The following TYR variants were observed in gnomAD, a reference collection of about 807,000 sequenced individuals.
TYR encodes the protein LB24-AB.
TYR carries 58 observed loss-of-function variants against 51.5 expected under a neutral mutation model. That is an observed-to-expected ratio of 1.13 (90% CI 0.91 to 1.40). The LOEUF is 1.40. Ranked by LOEUF, TYR falls within the 40% of genes most tolerant of loss-of-function variation. The pLI, the probability that TYR is intolerant of heterozygous loss-of-function variation, is 0.00. For missense variants in TYR, 732 were observed against 647.4 expected, an observed-to-expected ratio of 1.13 and a Z score of -1.42; for synonymous variants, 263 against 235.2, an observed-to-expected ratio of 1.12 and a Z score of -1.08.
At chr11:89,269,719 T>C (rs1944567833) in intron 3 of TYR, among the ~76,000 whole-genome samples, 2 of 151,976 alleles carry the variant, frequency 1.3e-5, no homozygotes, top group African/African-American at 4.8e-5. Context: ...TTCTTAGCTA[T>C]GTAACAGGAT....
intron 3 of TYR, among the ~76,000 whole-genome samples, chr11:89,272,877 C>T (rs1467978753): frequency 6.6e-6 from 1 of 151,902 alleles, no homozygotes; most frequent in East Asian, 1.9e-4. Flanking sequence ...CTGCCAGATT[C>T]AAACTTTCCT....
intron 3 of TYR, among the ~76,000 whole-genome samples, chr11:89,279,028 A>C (rs2135320184): frequency 6.6e-6 from 1 of 151,772 alleles, no homozygotes; most frequent in African/African-American, 2.4e-5. Context: ...CCCTAGAGGT[A>C]AAGCACCATT....
intron 1 of TYR, among the ~76,000 whole-genome samples, chr11:89,181,623 T>C (rs1377840698): frequency 6.6e-6 from 1 of 152,204 alleles, no homozygotes; most frequent in African/African-American, 2.4e-5. Flanking sequence ...AGATATCATT[T>C]TACTTGACCC....
chr11:89,208,917 T>G (rs2135267611), intron 2 of TYR, among the ~76,000 whole-genome samples: 1 of 152,352 alleles, frequency 6.6e-6, no homozygotes, highest in Admixed American at 6.5e-5. Context: ...AGAACAAAGG[T>G]AAGACCTTTT....
intron 1 of TYR, among the ~76,000 whole-genome samples, chr11:89,184,165 C>G (rs931086292): frequency 4.6e-5 from 7 of 151,612 alleles, no homozygotes; most frequent in African/African-American, 1.7e-4. Context: ...TTTCTGGAAC[C>G]AGGGTAGATT....
chr11:89,204,477 T>C (rs1565396738), intron 2 of TYR, among the ~76,000 whole-genome samples: 8 of 151,748 alleles, frequency 5.3e-5, no homozygotes, highest in Non-Finnish European at 4.4e-5. Context: ...CACTGCAACC[T>C]CCACCTCCCA....
chr11:89,205,958 CA>C (rs1173870204), intron 2 of TYR, among the ~76,000 whole-genome samples: 3 of 151,876 alleles, frequency 2.0e-5, no homozygotes, highest in Non-Finnish European at 4.4e-5. Context: ...ATGATGCCAG[CA>C]GAGATAAATT....
In TYR at chr11:89,284,866, G is replaced by T. The variant is rs574995971; in HGVS notation, c.1278G>T (p.Met426Ile). ...TTGGACATAACCGGGAATCCTACAT[G>T]GTTCCTTTTATACCACTGTACAGAA... ...APIGHNRESYMVPFIPLYRNG... is the reference protein window; with the variant it reads ...APIGHNRESYIVPFIPLYRNG... The change falls in exon 4 of 5, where the codon ATG becomes ATT. Residue 426 changes from methionine (M) to isoleucine (I), a missense_variant. Physicochemically the swap from Met to Ile is conservative, Grantham distance 10 (BLOSUM62 1). Coordinates refer to ENST00000263321, the MANE Select transcript of TYR (RefSeq NM_000372.5). 1 of 1,611,834 alleles carries T rather than the reference G, an allele frequency of 6.2e-7. No homozygotes were observed. The highest frequency in any genetic ancestry group is 1.3e-5 in the African/African-American group (1 of 74,842).
intron 2 of TYR, among the ~76,000 whole-genome samples, chr11:89,227,392 C>G (rs937527372): frequency 6.6e-6 from 1 of 152,050 alleles, no homozygotes. Context: ...GAACCAGAAA[C>G]CAAACTTAAA....
intron 1 of TYR, among the ~76,000 whole-genome samples, chr11:89,189,616 A>G (rs559978729): frequency 2.0e-5 from 3 of 152,272 alleles, no homozygotes; most frequent in Non-Finnish European, 4.4e-5. Context: ...TATATACAGT[A>G]AGATGCCTAT....
chr11:89,178,644 T>G lies in TYR; in HGVS notation c.691T>G (p.Phe231Val), dbSNP rs1430468940. The G allele has an allele frequency of 1.9e-6, 3 of 1,612,780 alleles. No individual in the cohort carries two copies. The South Asian group carries it at 3.3e-5, about 18-fold the overall frequency. The change falls in exon 1 of 5, where the codon TTC becomes GTC. Residue 231 changes from phenylalanine (F) to valine (V), a missense_variant. Transcript: ENST00000263321. ...CCAGAAGCTGACAGGAGATGAAAAC[T>G]TCACTATTCCATATTGGGACTGGCG... ...EIQKLTGDEN[F>V]TIPYWDWRDA...
chr11:89,196,616 G>C (rs1347086592), intron 2 of TYR, among the ~76,000 whole-genome samples: 1 of 152,108 alleles, frequency 6.6e-6, no homozygotes, highest in Non-Finnish European at 1.5e-5. Flanking sequence ...TTAATCATAG[G>C]TAGGACCAAG....
At position 89,178,668 on chromosome 11, in the gene TYR, C is replaced by T. The variant is rs774670098; in HGVS notation, c.715C>T (p.Arg239Trp). 1.3e-5 allele frequency: 21 copies of T among 1,613,350 alleles called. No individual in the cohort carries two copies. Among genetic ancestry groups the T allele is most frequent in the African/African-American group, 6.7e-5 (5 of 74,870 alleles). ...ENFTIPYWDW[R>W]DAEKCDICTD... ...CTTCACTATTCCATATTGGGACTGGCGGGATGCAGAAAAGTGTGACATTTG... is the reference window on the plus strand; with the variant it reads ...CTTCACTATTCCATATTGGGACTGGTGGGATGCAGAAAAGTGTGACATTTG... Residue 239 changes from arginine to tryptophan, a missense_variant, in exon 1 of 5, where the codon CGG (arginine) becomes TGG (tryptophan). Arg to Trp is a moderately radical substitution (Grantham distance 101). Coordinates refer to ENST00000263321, the MANE Select transcript of TYR (RefSeq NM_000372.5).
chr11:89,191,279 T>C lies in TYR; in HGVS notation c.897T>C (p.Arg299=), dbSNP rs748071687. The C allele has an allele frequency of 6.2e-7, 1 of 1,613,686 alleles. No homozygotes were observed. Among genetic ancestry groups the C allele is most frequent in the Non-Finnish European group, 8.5e-7 (1 of 1,179,786 alleles). ...CNGTPEGPLR[R]NPGNHDKSRT... is the part of the protein sequence containing the mutation. ...GAACGCCCGAGGGACCTTTACGGCG[T>C]AATCCTGGAAACCATGACAAATCCA... Residue 299 remains arginine (R), a synonymous_variant, in exon 2 of 5, where the codon CGT becomes CGC. Transcript: ENST00000263321.
chr11:89,204,018 C>A (rs1407879370), intron 2 of TYR, among the ~76,000 whole-genome samples: 1 of 152,162 alleles, frequency 6.6e-6, no homozygotes, highest in East Asian at 1.9e-4. Context: ...AGTTTGCATT[C>A]CAACCAGGGA....
chr11:89,199,665 T>C (rs544298124), intron 2 of TYR, among the ~76,000 whole-genome samples: 4 of 152,344 alleles, frequency 2.6e-5, no homozygotes, highest in African/African-American at 9.6e-5. Flanking sequence ...TTTATGTACA[T>C]CTAGCTCCTA....
intron 3 of TYR, among the ~76,000 whole-genome samples, chr11:89,234,864 C>A (rs1337132118): frequency 6.6e-6 from 1 of 151,590 alleles, no homozygotes; most frequent in East Asian, 1.9e-4. Context: ...GCAAGAATTA[C>A]CAAAATGTGA....
intron 2 of TYR, among the ~76,000 whole-genome samples, chr11:89,226,572 AC>A (rs1201712295): frequency 6.6e-6 from 1 of 152,130 alleles, no homozygotes; most frequent in African/African-American, 2.4e-5. Flanking sequence ...GGAGGAAAAA[AC>A]ATCACTACCC....
chr11:89,288,356 A>G (rs1442723417), intron 4 of TYR, among the ~76,000 whole-genome samples: 1 of 151,982 alleles, frequency 6.6e-6, no homozygotes, highest in East Asian at 1.9e-4. Flanking sequence ...TCATCACTCC[A>G]TCACTGCACA....
Sources: gnomAD v4.1 joint callset for allele counts (sites outside exome capture counted in the v4.1 genomes callset) on GRCh38, gnomAD v4.1.1 for gene constraint, MANE v1.5 for transcripts, NCBI Gene and HGNC (gene_info 2026-07-23, HGNC 2026-07-21) for gene names.